Variants in AGAP1 observed in about 807,000 individuals in gnomAD.
AGAP1 encodes the protein arf-GAP with GTPase, ANK repeat and PH domain-containing protein 1.
A neutral mutation model predicts 105.3 loss-of-function variants in AGAP1; 29 were observed. That is an observed-to-expected ratio of 0.28 (90% CI 0.21 to 0.38). The LOEUF is 0.38. Among genes scored for constraint, AGAP1 ranks in the 10% least tolerant of loss-of-function variants. The pLI, the probability that AGAP1 is intolerant of heterozygous loss-of-function variation, is 1.00. For missense variants in AGAP1, 998 were observed against 1,165.1 expected (o/e 0.86, Z 2.09); for synonymous variants, 509 against 485.9 (o/e 1.05, Z -0.63).
intron 16 of AGAP1, among the ~76,000 whole-genome samples, chr2:236,097,966 A>G (rs2059236350): frequency 6.6e-6 from 1 of 152,206 alleles, no homozygotes; most frequent in South Asian, 2.1e-4. Context: ...CTCAAGGCTC[A>G]TCATGTCGTA....
intron 1 of AGAP1, among the ~76,000 whole-genome samples, chr2:235,632,531 T>A (rs1255375570): frequency 1.3e-5 from 2 of 152,110 alleles, no homozygotes; most frequent in African/African-American, 4.8e-5. Context: ...ACACCTGGGG[T>A]CATCTGTGAC....
chr2:235,550,702 T>C lies in AGAP1; in HGVS notation c.163+55853T>C, dbSNP rs187267352. ...GGATCTCCGGGCATGATGCGGAATGTAGTGACGATCGCAAATCCTTCCTGT... is the reference window on the plus strand; with the variant it reads ...GGATCTCCGGGCATGATGCGGAATGCAGTGACGATCGCAAATCCTTCCTGT... On this transcript the variant is annotated intron_variant, in intron 1 of 17. Transcript: ENST00000304032. The surrounding 1 kb of genome is among the most constrained non-coding windows in gnomAD (Gnocchi z 4.6). Among the ~76,000 whole-genome samples the C allele has an allele frequency of 2.0e-3, 300 of 152,340 alleles. 2 individuals carry two copies. The highest frequency in any genetic ancestry group is 6.8e-3 in the African/African-American group (281 of 41,578).
rs190714355 is a variant in AGAP1 at position 235,903,981 on chromosome 2, G to A, written c.1156-4757G>A. Among the ~76,000 whole-genome samples the A allele has an allele frequency of 7.2e-5, 11 of 151,900 alleles. 1 individual carries two copies. The East Asian group carries it at 2.1e-3, about 30-fold the overall frequency. ...AAAGGCAGCCCCACAGAAGGCGGGCGCCACGTTAAGCTGTGCTGCTGTCAG... is the reference window on the plus strand; with the variant it reads ...AAAGGCAGCCCCACAGAAGGCGGGCACCACGTTAAGCTGTGCTGCTGTCAG... On this transcript the variant is annotated intron_variant, in intron 10 of 17. Transcript: ENST00000304032.
At position 236,078,978 on chromosome 2, in the gene AGAP1, G is replaced by A. The variant is rs1360116363; in HGVS notation, c.2114+29697G>A. On this transcript the variant is annotated intron_variant, in intron 16 of 17. Coordinates refer to ENST00000304032, the MANE Select transcript of AGAP1 (RefSeq NM_001037131.3). The surrounding 1 kb of genome is among the most constrained non-coding windows in gnomAD (Gnocchi z 5.3). ...GTGAGGTTCCAGTCCCGTCCCTTTA[G>A]CCTCATCCCTCATGGGGGAAGATAC... 6.6e-6 allele frequency among the ~76,000 whole-genome samples: 1 copy of A among 152,144 alleles called. No individual in the cohort carries two copies. Among genetic ancestry groups the A allele is most frequent in the Non-Finnish European group, 1.5e-5 (1 of 68,018 alleles).
intron 11 of AGAP1, among the ~76,000 whole-genome samples, chr2:235,915,904 AAC>A (rs1184386134): frequency 6.6e-6 from 1 of 152,144 alleles, no homozygotes; most frequent in Non-Finnish European, 1.5e-5. Context: ...AAAATCTTAA[AAC>A]ACACCAAAAA....
intron 9 of AGAP1, among the ~76,000 whole-genome samples, chr2:235,834,915 C>G (rs899217027): frequency 1.3e-5 from 2 of 152,148 alleles, no homozygotes; most frequent in African/African-American, 4.8e-5. Flanking sequence ...GTGGAACAGA[C>G]TCTATGCAGA....
chr2:236,043,584 G>A (rs1474269394), intron 15 of AGAP1, among the ~76,000 whole-genome samples: 5 of 151,678 alleles, frequency 3.3e-5, no homozygotes, highest in African/African-American at 4.8e-5. Context: ...AAAATTAGCC[G>A]GGCATGGTGG....
intron 11 of AGAP1, among the ~76,000 whole-genome samples, chr2:235,909,134 A>C (rs147600215): frequency 6.6e-6 from 1 of 152,224 alleles, no homozygotes; most frequent in South Asian, 2.1e-4. Context: ...AAAACCATGC[A>C]TCTAGGCCTT....
At chr2:235,859,772 C>G (rs2106501726) in intron 9 of AGAP1, among the ~76,000 whole-genome samples, 1 of 152,296 alleles carries the variant, frequency 6.6e-6, no homozygotes, top group South Asian at 2.1e-4. Flanking sequence ...AAAGCCGTTG[C>G]CTGCCCTTCA....
In AGAP1 at chr2:236,120,492, ACT is replaced by A. The variant is rs766428670; in HGVS notation, c.2370+50_2370+51del. The A allele has an allele frequency of 2.2e-5, 36 of 1,606,984 alleles. No homozygotes were observed. The highest frequency in any genetic ancestry group is 2.9e-5 in the Non-Finnish European group (34 of 1,177,904). On this transcript the variant is annotated intron_variant, in intron 17 of 17. Transcript: ENST00000304032. The surrounding 1 kb of genome is among the most constrained non-coding windows in gnomAD (Gnocchi z 6.0). The stretch of plus-strand genomic sequence containing the variant: ...GGCAGAGGACGGGGCCACAGGAGGC[ACT>A]CTCTGCTTTGTTCTGCTTCCGTGGG...
Position 235,582,657 on chromosome 2 carries a change from G to A in AGAP1, c.163+87808G>A, listed in dbSNP as rs944575174. Among the ~76,000 whole-genome samples, 1 of 152,250 alleles carries A rather than the reference G, an allele frequency of 6.6e-6. No homozygotes were observed. The highest frequency in any genetic ancestry group is 6.5e-5 in the Admixed American group (1 of 15,292). On this transcript the variant is annotated intron_variant, in intron 1 of 17. Coordinates refer to ENST00000304032, the MANE Select transcript of AGAP1 (RefSeq NM_001037131.3). The surrounding 1 kb of genome is among the most constrained non-coding windows in gnomAD (Gnocchi z 4.7). ...GTGTTTTACAACAAAAGCACGGAGT[G>A]TACTTCAGAAGGAAGGATTTAGCTG... is the stretch of plus-strand genomic sequence containing the variant.
intron 1 of AGAP1, among the ~76,000 whole-genome samples, chr2:235,511,573 C>T (rs575677107): frequency 1.1e-4 from 17 of 152,272 alleles, no homozygotes; most frequent in Non-Finnish European, 1.3e-4. Context: ...CAGTTCCTAA[C>T]GAACTTCTTT....
intron 9 of AGAP1, among the ~76,000 whole-genome samples, chr2:235,828,041 C>G (rs1364771409): frequency 3.3e-5 from 5 of 152,196 alleles, no homozygotes; most frequent in African/African-American, 1.2e-4. Flanking sequence ...GACAGACTTA[C>G]AACAAGTATC....
intron 11 of AGAP1, among the ~76,000 whole-genome samples, chr2:235,918,066 G>A (rs1178460448): frequency 2.6e-5 from 4 of 152,232 alleles, no homozygotes; most frequent in Non-Finnish European, 5.9e-5. Context: ...GGCCCTGGAT[G>A]AGCAGTGTCA....
Position 235,927,412 on chromosome 2 carries a change from G to A in AGAP1, c.1325-3353G>A, listed in dbSNP as rs1024534182. On this transcript the variant is annotated intron_variant, in intron 11 of 17. Coordinates refer to ENST00000304032, the MANE Select transcript of AGAP1 (RefSeq NM_001037131.3). This position sits in a 1 kb window ranked among gnomAD's most constrained non-coding sequence, Gnocchi z 4.4. Reference sequence around the variant, plus strand: ...TTGGACTTGTCCTTGTATTTTGATGGACAGACAGAAGTTTGAAAACCAGTA... The same window carrying A: ...TTGGACTTGTCCTTGTATTTTGATGAACAGACAGAAGTTTGAAAACCAGTA... Among the ~76,000 whole-genome samples the A allele has an allele frequency of 2.0e-5, 3 of 152,172 alleles. No homozygotes were observed. Among genetic ancestry groups the A allele is most frequent in the Non-Finnish European group, 4.4e-5 (3 of 68,020 alleles).
intron 3 of AGAP1, among the ~76,000 whole-genome samples, chr2:235,718,655 C>G (rs554272024): frequency 6.6e-6 from 1 of 152,140 alleles, no homozygotes; most frequent in Admixed American, 6.5e-5. Flanking sequence ...CGGAACCGTT[C>G]GGAGAAGTAT....
chr2:235,923,715 G>A lies in AGAP1; in HGVS notation c.1325-7050G>A, dbSNP rs553783012. Among the ~76,000 whole-genome samples the A allele has an allele frequency of 5.9e-5, 9 of 152,324 alleles. No individual in the cohort carries two copies. The South Asian group carries it at 1.0e-3, about 18-fold the overall frequency. ...TCATTGGGTAATGTTCCGTTGTGCC[G>A]TGATGTACCTACAGTGATGGACAGT... On this transcript the variant is annotated intron_variant, in intron 11 of 17. Transcript: ENST00000304032.
chr2:236,004,230 T>C (rs1195779085), intron 13 of AGAP1, among the ~76,000 whole-genome samples: 1 of 152,086 alleles, frequency 6.6e-6, no homozygotes, highest in Non-Finnish European at 1.5e-5. Flanking sequence ...CCAGGGGAGA[T>C]CAGTGACCAC....
intron 16 of AGAP1, among the ~76,000 whole-genome samples, chr2:236,057,772 C>T (rs190048748): frequency 3.2e-4 from 49 of 152,286 alleles, no homozygotes; most frequent in South Asian, 6.2e-4. Flanking sequence ...AGGGTAATTC[C>T]TCATTTCTAA....
Sources: allele counts gnomAD v4.1 joint callset (sites outside exome capture counted in the v4.1 genomes callset), GRCh38; gene constraint gnomAD v4.1.1; non-coding constraint Gnocchi (gnomAD v3.1); transcripts MANE v1.5; gene names NCBI Gene and HGNC (gene_info 2026-07-23, HGNC 2026-07-21).